IDUA: variants seen among roughly 807,000 people sequenced by gnomAD.
IDUA encodes the protein alpha-L-iduronidase, also known as iduronidase alpha-L-.
IDUA carries 65 observed loss-of-function variants against 68.9 expected under a neutral mutation model. The observed-to-expected ratio is 0.94, with a 90% CI of 0.77 to 1.16. The LOEUF is 1.16. Ranked by LOEUF, IDUA falls within the 50% of genes most tolerant of loss-of-function variation. The pLI is 0.00. For missense variants in IDUA, 1,046 were observed against 938.0 expected, an observed-to-expected ratio of 1.12 and a Z score of -1.50; for synonymous variants, 529 against 433.6, an observed-to-expected ratio of 1.22 and a Z score of -2.73.
intron 1 of IDUA, chr4:987,582 G>A (rs1466634620): frequency 6.5e-6 from 9 of 1,387,192 alleles, no homozygotes; most frequent in Non-Finnish European, 8.5e-6. Flanking sequence ...TCCTGGCAGG[G>A]CCAGGGCCAG....
intron 1 of IDUA, chr4:987,536 T>C (rs2153015422): frequency 9.5e-7 from 1 of 1,052,920 alleles, no homozygotes; most frequent in Non-Finnish European, 1.3e-6. Flanking sequence ...GGCCTGCCTG[T>C]CCCATTCCTT....
chr4:999,001 GAA>G (rs1714910931), intron 2 of IDUA, among the ~76,000 whole-genome samples: 1 of 152,014 alleles, frequency 6.6e-6, no homozygotes, highest in Non-Finnish European at 1.5e-5. Flanking sequence ...TCAGGAAATG[GAA>G]ACCATCCTGG....
intron 2 of IDUA, chr4:991,476 C>T (rs1195301109): frequency 3.7e-6 from 6 of 1,611,372 alleles, no homozygotes; most frequent in Non-Finnish European, 5.1e-6. Flanking sequence ...CGATGACCAG[C>T]CCAGACATGA....
In IDUA at chr4:1,002,249, G is replaced by C; in HGVS notation, c.973-20G>C. ...GCGGTGGCCGCGCCACCCGGTCCCA[G>C]CTGCCCTGGACACCCGCAGGTCATC... On this transcript the variant is annotated intron_variant, in intron 7 of 13. Coordinates refer to ENST00000514224, the MANE Select transcript of IDUA (RefSeq NM_000203.5). The C allele has an allele frequency of 6.2e-7, 1 of 1,603,482 alleles. No individual in the cohort carries two copies. The highest frequency in any genetic ancestry group is 8.5e-7 in the Non-Finnish European group (1 of 1,175,570).
chr4:989,945 C>G (rs1468201649), intron 2 of IDUA: 2 of 1,556,044 alleles, frequency 1.3e-6, no homozygotes, highest in East Asian at 2.4e-5. Flanking sequence ...GGCTCTGGGA[C>G]CTGAGGGGGC....
intron 2 of IDUA, among the ~76,000 whole-genome samples, chr4:998,388 G>A (rs1714871119): frequency 1.3e-5 from 2 of 152,156 alleles, no homozygotes; most frequent in Admixed American, 6.5e-5. Flanking sequence ...CAGACGGGGA[G>A]CTGTATAGGG....
chr4:987,951 T>TGGGCGGC lies in IDUA; in HGVS notation c.299+7_299+13dup. The TGGGCGGC allele has an allele frequency of 6.4e-7, 1 of 1,570,654 alleles. No homozygotes were observed. Among genetic ancestry groups the TGGGCGGC allele is most frequent in the South Asian group, 1.2e-5 (1 of 86,344 alleles). ...GCTGCTGGAGCTTGTCACCACCAGGTGGGCGGCGGGCAGGGTCTGGGCGTC... is the reference window on the plus strand; with the variant it reads ...GCTGCTGGAGCTTGTCACCACCAGGTGGGCGGCGGGCGGCGGGCAGGGTCTGGGCGTC... On this transcript the variant is annotated splice_region_variant and intron_variant, in intron 2 of 13. Coordinates refer to ENST00000514224, the MANE Select transcript of IDUA (RefSeq NM_000203.5).
intron 2 of IDUA, chr4:990,794 C>T: frequency 2.5e-6 from 1 of 398,684 alleles, no homozygotes; most frequent in Non-Finnish European, 4.5e-6. Context: ...GAGGCCATCC[C>T]CCACTCCACC....
rs1372547656 is a variant in IDUA, at chr4:1,002,493, G to A, written c.1189+8G>A. 2 of 1,520,010 alleles carry A rather than the reference G, an allele frequency of 1.3e-6. No individual in the cohort carries two copies. Among genetic ancestry groups the A allele is most frequent in the South Asian group, 1.3e-5 (1 of 79,488 alleles). 94.2% of individuals were successfully genotyped at this position (1,520,010 alleles called of 1,614,324 possible). On this transcript the variant is annotated splice_region_variant and intron_variant, in intron 8 of 13. Transcript: ENST00000514224. ...GGCTGCTGGCGCTGCTGGGTGAGCC[G>A]GGGCCGCTGGGGTGGGCCGGCCAGG... is the stretch of plus-strand genomic sequence containing the variant.
chr4:991,263 G>T (rs756320773), intron 2 of IDUA: 8 of 1,612,536 alleles, frequency 5.0e-6, no homozygotes, highest in Middle Eastern at 1.6e-4. Context: ...CCTGGGAGGG[G>T]TCAAAGCCGG....
At chr4:988,110 C>T in intron 2 of IDUA, 161 bp downstream of exon 2, 1 of 1,436,330 alleles carries the variant, frequency 7.0e-7, no homozygotes, top group South Asian at 1.5e-5. Context: ...GGGGTGAGGG[C>T]TGTGTGCTGG....
chr4:1,001,946 C>T, intron 6 of IDUA, 36 bp from the exon 7 acceptor site: 2 of 1,572,066 alleles, frequency 1.3e-6, no homozygotes, highest in South Asian at 1.2e-5. Flanking sequence ...CCGGGCCGCG[C>T]TGACCCTGGT....
At chr4:989,727 C>T in intron 2 of IDUA, 2 of 1,558,048 alleles carry the variant, frequency 1.3e-6, no homozygotes, top group South Asian at 2.4e-5. Context: ...TGGCTGTCTT[C>T]ACCAGGCTCT....
rs1216054018 is a variant in IDUA at position 1,002,386 on chromosome 4, A to G, written c.1090A>G (p.Thr364Ala). Residue 364 changes from threonine (T) to alanine (A), a missense_variant, in exon 8 of 14, where the codon ACG (threonine) becomes GCG (alanine). Physicochemically the swap from Thr to Ala is moderately conservative, Grantham distance 58. Coordinates refer to ENST00000514224, the MANE Select transcript of IDUA (RefSeq NM_000203.5). Reference sequence around the variant, plus strand: ...CCACCCGCACCCCTTCGCGCAGCGCACGCTCACCGCGCGCTTCCAGGTCAA... The same window carrying G: ...CCACCCGCACCCCTTCGCGCAGCGCGCGCTCACCGCGCGCTTCCAGGTCAA... ...SYHPHPFAQR[T>A]LTARFQVNNT... 2 of 1,609,182 alleles carry G rather than the reference A, an allele frequency of 1.2e-6. No homozygotes were observed. Among genetic ancestry groups the G allele is most frequent in the South Asian group, 1.1e-5 (1 of 90,550 alleles).
chr4:1,002,846 G>C lies in IDUA; in HGVS notation c.1304G>C (p.Arg435Pro). 6.9e-7 allele frequency: 1 copy of C among 1,452,320 alleles called. No individual in the cohort carries two copies. The highest frequency in any genetic ancestry group is 9.0e-7 in the Non-Finnish European group (1 of 1,108,876). The allele number at this position is 1,452,320 out of a possible 1,614,324, so 90.0% of individuals were successfully genotyped here. The change falls in exon 9 of 14, where the codon CGC becomes CCC. Residue 435 changes from arginine to proline, a missense_variant. Coordinates refer to ENST00000514224, the MANE Select transcript of IDUA (RefSeq NM_000203.5). The stretch of plus-strand genomic sequence containing the variant: ...CCCCAGGGCCCGGCCGACGCCTGGC[G>C]CGCCGCGGTGCTGATCTACGCGAGC... Reference protein sequence around the residue: ...HRPQGPADAWRAAVLIYASDD... With the variant: ...HRPQGPADAWPAAVLIYASDD...
intron 2 of IDUA, chr4:990,276 C>T: frequency 6.3e-7 from 1 of 1,599,484 alleles, no homozygotes; most frequent in Non-Finnish European, 8.5e-7. Flanking sequence ...TCAGGATGGT[C>T]ACGGAGGCCC....
chr4:991,301 GC>G (rs1403463776), intron 2 of IDUA: 2 of 1,612,774 alleles, frequency 1.2e-6, no homozygotes, highest in South Asian at 1.1e-5. Context: ...TCCACCACCT[GC>G]CCCACCATGA....
chr4:994,472 C>G (rs1033667987), intron 2 of IDUA, among the ~76,000 whole-genome samples: 1 of 146,550 alleles, frequency 6.8e-6, no homozygotes, highest in South Asian at 2.1e-4. Context: ...GAGTTTCGCT[C>G]TGTTGCCCAG....
At chr4:990,918 GC>G in intron 2 of IDUA, 1 of 550,548 alleles carries the variant, frequency 1.8e-6, no homozygotes, top group Non-Finnish European at 3.1e-6. Context: ...GGCTCCCCGT[GC>G]CCCTCCCCTC....
Sources: gnomAD v4.1 joint callset for allele counts (sites outside exome capture counted in the v4.1 genomes callset) on GRCh38, gnomAD v4.1.1 for gene constraint, MANE v1.5 for transcripts, NCBI Gene and HGNC (gene_info 2026-07-23, HGNC 2026-07-21) for gene names.